The following CREBRF variants were observed in gnomAD, a reference collection of about 807,000 sequenced individuals.
CREBRF encodes UPF0474 protein C5orf41.
A neutral mutation model predicts 66.1 loss-of-function variants in CREBRF; 5 were observed. That is an observed-to-expected ratio of 0.08 (90% CI 0.04 to 0.16). The LOEUF (loss-of-function observed/expected upper bound fraction) is 0.16, where lower values mean the gene tolerates loss of function less well. Among genes scored for constraint, CREBRF ranks in the 10% least tolerant of loss-of-function variants. The probability of loss-of-function intolerance (pLI) is 1.00; values close to 1 mark genes in which losing one functional copy is unlikely to be tolerated. For synonymous variants in CREBRF, 229 were observed against 264.4 expected, an observed-to-expected ratio of 0.87 and a Z score of 1.30; for missense variants, 531 against 744.9, an observed-to-expected ratio of 0.71 and a Z score of 3.34.
chr5:173,135,666 T>G lies in CREBRF; in HGVS notation c.*1921T>G, dbSNP rs1759566422. ...TATAAAGTGTCAAAGTATAATTTGTTCTTTTCTTTTACTTTGTTACCCCAT... is the reference window on the plus strand; with the variant it reads ...TATAAAGTGTCAAAGTATAATTTGTGCTTTTCTTTTACTTTGTTACCCCAT... On this transcript the variant is annotated 3_prime_UTR_variant, in exon 9 of 9. Coordinates refer to ENST00000296953, the MANE Select transcript of CREBRF (RefSeq NM_153607.3). The G allele has an allele frequency of 6.6e-6, 1 of 152,214 alleles. No homozygotes were observed. Among genetic ancestry groups the G allele is most frequent in the South Asian group, 2.1e-4 (1 of 4,836 alleles). The allele number at this position is 152,214 out of a possible 1,614,324, so 9.4% of individuals were successfully genotyped here. A position where few individuals can be genotyped will look rare whatever the true frequency, so the allele number is the denominator to read the frequency against.
intron 7 of CREBRF, among the ~76,000 whole-genome samples, chr5:173,113,092 A>C (rs1166903673): frequency 6.6e-6 from 1 of 152,150 alleles, no homozygotes; most frequent in African/African-American, 2.4e-5. Context: ...TTCTGGGCTC[A>C]GGTGATCCTC....
intron 4 of CREBRF, among the ~76,000 whole-genome samples, chr5:173,102,962 T>C (rs550794640): frequency 1.3e-5 from 2 of 152,326 alleles, no homozygotes; most frequent in South Asian, 4.1e-4. Flanking sequence ...CTTCTGGATG[T>C]GTTGAGAGAT....
intron 5 of CREBRF, 99 bp downstream of exon 5, chr5:173,108,917 C>A (rs1758810179): frequency 4.7e-6 from 5 of 1,067,710 alleles, no homozygotes; most frequent in Non-Finnish European, 6.8e-6. Context: ...TCAGCCCTTC[C>A]TAGCAAACTG....
intron 4 of CREBRF, among the ~76,000 whole-genome samples, chr5:173,106,151 C>T (rs1346765509): frequency 1.3e-5 from 2 of 149,580 alleles, no homozygotes; most frequent in African/African-American, 4.9e-5. Flanking sequence ...CCTAAGGGGC[C>T]AGGTGCGGTG....
At chr5:173,082,945 A>AAAAAC (rs1561799554) in intron 2 of CREBRF, among the ~76,000 whole-genome samples, 1 of 122,652 alleles carries the variant, frequency 8.2e-6, no homozygotes, top group African/African-American at 3.1e-5. Flanking sequence ...AAAAAAAAAA[A>AAAAAC]ACCGGGTGCA....
chr5:173,089,661 T>TAA (rs60450166), intron 3 of CREBRF, among the ~76,000 whole-genome samples: 1 of 136,246 alleles, frequency 7.3e-6, no homozygotes. Context: ...GTCTCTACTT[T>TAA]AAAAAAAAAA....
intron 4 of CREBRF, chr5:173,091,841 T>G (rs1758349583): frequency 2.1e-6 from 2 of 948,372 alleles, no homozygotes; most frequent in African/African-American, 1.8e-5. Flanking sequence ...TCCCAGCACT[T>G]TGGGAGGCCG....
intron 3 of CREBRF, among the ~76,000 whole-genome samples, chr5:173,088,914 C>T (rs917188534): frequency 6.6e-6 from 1 of 152,004 alleles, no homozygotes; most frequent in African/African-American, 2.4e-5. Context: ...GCGCAGTGGT[C>T]ATGCCTGTAA....
Position 173,086,376 on chromosome 5 carries a change from A to AAAAGT in CREBRF, c.10-123_10-119dup, listed in dbSNP as rs534739215. ...TCTTAAATATACTATACAGTAGAAAAAAAGTATAGAAATGTTTTCTGAAAA... is the reference window on the plus strand; with the variant it reads ...TCTTAAATATACTATACAGTAGAAAAAAAGTAAAGTATAGAAATGTTTTCTGAAAA... On this transcript the variant is annotated intron_variant, in intron 2 of 8. Transcript: ENST00000296953. 3.1e-4 allele frequency: 272 copies of AAAAGT among 865,666 alleles called. 2 individuals are homozygous for AAAAGT. The East Asian group carries it at 4.9e-3, about 16-fold the overall frequency. The allele number at this position is 865,666 out of a possible 1,614,324, so 53.6% of individuals were successfully genotyped here. A position where few individuals can be genotyped will look rare whatever the true frequency, so the allele number is the denominator to read the frequency against.
chr5:173,064,657 C>T (rs546065271), intron 1 of CREBRF, among the ~76,000 whole-genome samples: 5 of 152,014 alleles, frequency 3.3e-5, no homozygotes, highest in South Asian at 4.2e-4. Context: ...CTCCACCTCC[C>T]GGGTTCAAGC....
intron 3 of CREBRF, among the ~76,000 whole-genome samples, chr5:173,087,852 C>G (rs947319001): frequency 2.0e-5 from 3 of 152,096 alleles, no homozygotes; most frequent in African/African-American, 7.2e-5. Context: ...GGGACGGAGT[C>G]TCGCTCTGTA....
At chr5:173,107,608 AGT>A (rs1387678031) in intron 4 of CREBRF, among the ~76,000 whole-genome samples, 2 of 152,188 alleles carry the variant, frequency 1.3e-5, no homozygotes, top group Non-Finnish European at 2.9e-5. Flanking sequence ...TTCCAAAAGA[AGT>A]GGTGTGACAG....
rs946223184 is a variant in CREBRF, at chr5:173,137,395, T to C, written c.*3650T>C. ...AGACCAGTTTTGGATGGTCTTTGAA[T>C]ATAGGGGGGAAAGATTAGCAGTAAT... On this transcript the variant is annotated 3_prime_UTR_variant, in exon 9 of 9. Transcript: ENST00000296953. 3 of 152,050 alleles carry C rather than the reference T, an allele frequency of 2.0e-5. No individual in the cohort carries two copies. Among genetic ancestry groups the C allele is most frequent in the Non-Finnish European group, 2.9e-5 (2 of 67,908 alleles). The allele number at this position is 152,050 out of a possible 1,614,324, so 9.4% of individuals were successfully genotyped here.
intron 1 of CREBRF, among the ~76,000 whole-genome samples, chr5:173,074,133 C>T (rs1354843384): frequency 6.6e-6 from 1 of 151,722 alleles, no homozygotes; most frequent in African/African-American, 2.4e-5. Context: ...TGAAAACCCA[C>T]CTCTACTAAA....
At chr5:173,077,042 C>T (rs576133031) in intron 1 of CREBRF, among the ~76,000 whole-genome samples, 110 of 151,658 alleles carry the variant, frequency 7.3e-4, no homozygotes, top group Middle Eastern at 3.4e-3. Context: ...CTCCCAGGTT[C>T]AAGCGATTCT....
In CREBRF at chr5:173,082,908, C is replaced by CAAAAA. The variant is rs70984937; in HGVS notation, c.9+2158_9+2162dup. Among the ~76,000 whole-genome samples the CAAAAA allele has an allele frequency of 1.7e-3, 50 of 29,016 alleles. 10 individuals are homozygous for CAAAAA. The highest frequency in any genetic ancestry group is 2.1e-3 in the Non-Finnish European group (34 of 16,430). The allele number at this position is 29,016 out of a possible 152,430, so 19.0% of individuals were successfully genotyped here. ...TGAGCGACGGAGCGAGACTCTGTCT[C>CAAAAA]AAAAAAAAAAAAAAAAAAAAAAAAA... is the stretch of plus-strand genomic sequence containing the variant. On this transcript the variant is annotated intron_variant, in intron 2 of 8. Transcript: ENST00000296953.
intron 4 of CREBRF, 158 bp downstream of exon 4, chr5:173,091,559 C>T: frequency 7.0e-7 from 1 of 1,434,008 alleles, no homozygotes. Context: ...TTTTTCTATT[C>T]AAATAGCTCT....
chr5:173,060,316 C>T (rs1358098454), intron 1 of CREBRF: 3 of 151,214 alleles, frequency 2.0e-5, no homozygotes, highest in African/African-American at 4.9e-5. Context: ...CTGCAACCTC[C>T]GTTTCCTGGG....
chr5:173,062,380 A>G (rs536007691), intron 1 of CREBRF, among the ~76,000 whole-genome samples: 1 of 152,334 alleles, frequency 6.6e-6, no homozygotes, highest in Non-Finnish European at 1.5e-5. Flanking sequence ...TCTGGAAAGT[A>G]ATAAAGTCTA....
Sources: allele counts gnomAD v4.1 joint callset (sites outside exome capture counted in the v4.1 genomes callset), GRCh38; gene constraint gnomAD v4.1.1; transcripts MANE v1.5; gene names NCBI Gene and HGNC (gene_info 2026-07-23, HGNC 2026-07-21).